The following EEF2K variants were observed in gnomAD, a reference collection of about 807,000 sequenced individuals.
The protein encoded by EEF2K is eukaryotic elongation factor 2 kinase.
A neutral mutation model predicts 93.8 loss-of-function variants in EEF2K; 70 were observed. The ratio of observed to expected loss-of-function variants is 0.75; its 90% CI spans 0.62 to 0.91. The LOEUF (loss-of-function observed/expected upper bound fraction) is 0.91. Ranked by LOEUF, EEF2K falls within the 40% of genes least tolerant of loss-of-function variation. EEF2K has a pLI of 0.00. For synonymous variants in EEF2K, 376 were observed against 380.8 expected, an observed-to-expected ratio of 0.99 and a Z score of 0.15; for missense variants, 935 against 972.9, an observed-to-expected ratio of 0.96 and a Z score of 0.52.
intron 13 of EEF2K, among the ~76,000 whole-genome samples, chr16:22,265,709 A>C (rs908836749): frequency 6.6e-6 from 1 of 152,230 alleles, no homozygotes; most frequent in Non-Finnish European, 1.5e-5. Flanking sequence ...TTAGCATGCA[A>C]ACGTGCACAC....
intron 17 of EEF2K, among the ~76,000 whole-genome samples, chr16:22,280,757 C>T (rs1048395675): frequency 2.0e-5 from 3 of 151,784 alleles, no homozygotes; most frequent in Non-Finnish European, 4.4e-5. Flanking sequence ...CTCCACCTCC[C>T]GAGTTCCAGC....
chr16:22,232,981 G>A (rs1438346114), intron 2 of EEF2K, among the ~76,000 whole-genome samples: 1 of 152,164 alleles, frequency 6.6e-6, no homozygotes, highest in Non-Finnish European at 1.5e-5. Flanking sequence ...TATTGGGTGT[G>A]GATTGTGAAA....
intron 3 of EEF2K, among the ~76,000 whole-genome samples, chr16:22,247,179 G>T (rs748683624): frequency 6.6e-6 from 1 of 150,552 alleles, no homozygotes; most frequent in Non-Finnish European, 1.5e-5. Flanking sequence ...AGTGGCTAAC[G>T]CCTGTAATCC....
intron 4 of EEF2K, among the ~76,000 whole-genome samples, chr16:22,249,229 C>T (rs2047325220): frequency 6.6e-6 from 1 of 151,168 alleles, no homozygotes. Flanking sequence ...CCTTGGCCGC[C>T]CAGAGTGCTG....
In EEF2K at chr16:22,208,645, C is replaced by A. The variant is rs1398219756; in HGVS notation, c.-77+1966C>A. ...GGGTGTGGTAGCTCACACCTGTAATCCCAGCCACTTTGGGGGTGCTGAGGC... is the reference window on the plus strand; with the variant it reads ...GGGTGTGGTAGCTCACACCTGTAATACCAGCCACTTTGGGGGTGCTGAGGC... On this transcript the variant is annotated intron_variant, in intron 1 of 17. Coordinates refer to ENST00000263026, the MANE Select transcript of EEF2K (RefSeq NM_013302.5). Among the ~76,000 whole-genome samples, 6 of 152,028 alleles carry A rather than the reference C, an allele frequency of 3.9e-5. No homozygotes were observed. The East Asian group carries it at 9.7e-4, about 25-fold the overall frequency.
At chr16:22,259,744 G>GT (rs371473525) in intron 10 of EEF2K, among the ~76,000 whole-genome samples, 104 of 148,360 alleles carry the variant, frequency 7.0e-4, no homozygotes, top group South Asian at 3.6e-3. Context: ...GATGGTTGGT[G>GT]TTTTTTTTTT....
chr16:22,285,719 T>C lies in EEF2K; in HGVS notation c.*1723T>C, dbSNP rs1379340029. The stretch of plus-strand genomic sequence containing the variant: ...CCTAAATGCAAAAGCAGCCTATTTT[T>C]CTTTGTTTAAAAGTCAAAACATAAA... On this transcript the variant is annotated 3_prime_UTR_variant, in exon 18 of 18. Transcript: ENST00000263026. The C allele has an allele frequency of 6.6e-6, 1 of 152,638 alleles. No homozygotes were observed. The allele number at this position is 152,638 out of a possible 1,614,324, so 9.5% of individuals were successfully genotyped here.
chr16:22,224,801 A>C (rs2047047177), intron 1 of EEF2K, among the ~76,000 whole-genome samples: 1 of 152,042 alleles, frequency 6.6e-6, no homozygotes, highest in Admixed American at 6.6e-5. Flanking sequence ...AAAAATGCAA[A>C]AATTAGCTAG....
intron 1 of EEF2K, among the ~76,000 whole-genome samples, chr16:22,209,827 C>G (rs1018253183): frequency 4.6e-5 from 7 of 152,332 alleles, no homozygotes; most frequent in Middle Eastern, 3.4e-3. Flanking sequence ...GGGTCTTGCT[C>G]TGTCACCCAG....
At chr16:22,219,066 T>A (rs1022012888) in intron 1 of EEF2K, among the ~76,000 whole-genome samples, 2 of 151,976 alleles carry the variant, frequency 1.3e-5, no homozygotes, top group African/African-American at 4.8e-5. Flanking sequence ...CCTATTCTTA[T>A]CACAGGAGTA....
intron 4 of EEF2K, 78 bp downstream of exon 4, chr16:22,248,893 C>A: frequency 7.2e-7 from 1 of 1,382,210 alleles, no homozygotes. Context: ...GTGCACCCTT[C>A]TCTCCCACTC....
At chr16:22,259,797 G>T (rs1367273537) in intron 10 of EEF2K, among the ~76,000 whole-genome samples, 3 of 151,868 alleles carry the variant, frequency 2.0e-5, no homozygotes, top group Admixed American at 6.6e-5. Context: ...CTGTCACCCC[G>T]GCTGGAATGC....
At chr16:22,277,954 C>G (rs1437080900) in intron 16 of EEF2K, among the ~76,000 whole-genome samples, 1 of 152,086 alleles carries the variant, frequency 6.6e-6, no homozygotes, top group Non-Finnish European at 1.5e-5. Flanking sequence ...CCTGTAATCC[C>G]AGCACTTTGG....
chr16:22,280,077 C>CGT, intron 16 of EEF2K, 121 bp from the exon 17 acceptor site: 1 of 962,778 alleles, frequency 1.0e-6, no homozygotes, highest in Non-Finnish European at 1.4e-6. Flanking sequence ...CAAGATAGGT[C>CGT]GTGAACCATA....
At chr16:22,250,555 C>G in intron 4 of EEF2K, 99 bp from the exon 5 acceptor site, 1 of 1,446,734 alleles carries the variant, frequency 6.9e-7, no homozygotes, top group South Asian at 1.2e-5. Context: ...GCCCAGGGCA[C>G]CCATTTGATA....
intron 7 of EEF2K, 134 bp from the exon 8 acceptor site, chr16:22,257,119 C>A (rs536723413): frequency 2.2e-5 from 33 of 1,482,424 alleles, no homozygotes; most frequent in African/African-American, 7.1e-5. Context: ...ACTGAAGAGG[C>A]CTTTTTCCTT....
chr16:22,260,388 C>T (rs1189098417), intron 10 of EEF2K, 74 bp from the exon 11 acceptor site: 4 of 1,564,920 alleles, frequency 2.6e-6, no homozygotes, highest in East Asian at 2.2e-5. Flanking sequence ...TATGGACCGC[C>T]CTAGGCCGTG....
chr16:22,254,256 CAGGTGGCCCT>C (rs1395656034), intron 6 of EEF2K, among the ~76,000 whole-genome samples: 1 of 152,208 alleles, frequency 6.6e-6, no homozygotes, highest in Non-Finnish European at 1.5e-5. Context: ...TCTGGCCCAG[CAGGTGGCCCT>C]GCTGTAAGTT....
intron 2 of EEF2K, among the ~76,000 whole-genome samples, chr16:22,226,691 A>AT (rs1567264313): frequency 6.6e-6 from 1 of 151,500 alleles, no homozygotes; most frequent in African/African-American, 2.4e-5. Context: ...CATTAAAAAA[A>AT]TTTTTTTTGT....
Sources: allele counts gnomAD v4.1 joint callset (sites outside exome capture counted in the v4.1 genomes callset), GRCh38; gene constraint gnomAD v4.1.1; transcripts MANE v1.5; gene names NCBI Gene and HGNC (gene_info 2026-07-23, HGNC 2026-07-21).